Variants in MACROD1 observed in about 807,000 individuals in gnomAD.
MACROD1 encodes the protein ADP-ribose glycohydrolase MACROD1.
In MACROD1, 31 loss-of-function variants were observed where a neutral mutation model predicts 41.4. The ratio of observed to expected loss-of-function variants is 0.75; its 90% confidence interval spans 0.56 to 1.01. The LOEUF (loss-of-function observed/expected upper bound fraction) is 1.01. Ranked by LOEUF, MACROD1 falls within the 50% of genes least tolerant of loss-of-function variation. The probability of loss-of-function intolerance (pLI) is 0.00; values close to 1 mark genes in which losing one functional copy is unlikely to be tolerated. For missense variants in MACROD1, 473 were observed against 460.0 expected, an observed-to-expected ratio of 1.03 and a Z score of -0.26; for synonymous variants, 252 against 203.4, an observed-to-expected ratio of 1.24 and a Z score of -2.03.
chr11:64,004,694 A>G (rs1158074691), intron 4 of MACROD1, among the ~76,000 whole-genome samples: 1 of 151,928 alleles, frequency 6.6e-6, no homozygotes, highest in Non-Finnish European at 1.5e-5. Context: ...CCTGGCCACG[A>G]GATTGCTGGT....
At chr11:63,999,309 C>T in intron 8 of MACROD1, 22 bp downstream of exon 8, 1 of 1,552,668 alleles carries the variant, frequency 6.4e-7, no homozygotes, top group Non-Finnish European at 8.7e-7. Context: ...GGACCCCACC[C>T]TCGCCCGGGC....
chr11:64,116,361 C>T (rs1042224142), intron 3 of MACROD1: 6 of 1,613,076 alleles, frequency 3.7e-6, no homozygotes, highest in East Asian at 4.5e-5. Flanking sequence ...CATGGACCTG[C>T]GGGACTGGCT....
At chr11:64,068,393 G>A (rs1206999287) in intron 3 of MACROD1, among the ~76,000 whole-genome samples, 6 of 152,228 alleles carry the variant, frequency 3.9e-5, no homozygotes, top group Non-Finnish European at 1.5e-5. Flanking sequence ...CCTAGTAGCT[G>A]TAAAATGGAG....
Position 64,060,680 on chromosome 11 carries a change from T to C in MACROD1, c.518-45399A>G, listed in dbSNP as rs1279839965. On this transcript the variant is annotated intron_variant, in intron 3 of 10. Coordinates refer to ENST00000255681, the MANE Select transcript of MACROD1 (RefSeq NM_014067.4). ...AGGTCTGTCTGCGCTTCTCTTTAGTTCATTCGTTCATTCATTCATTCATTC... is the reference window on the plus strand; with the variant it reads ...AGGTCTGTCTGCGCTTCTCTTTAGTCCATTCGTTCATTCATTCATTCATTC... The C allele has an allele frequency of 3.1e-5, 4 of 127,620 alleles. No individual in the cohort carries two copies. The East Asian group carries it at 9.1e-4, about 29-fold the overall frequency. 7.9% of individuals were successfully genotyped at this position (127,620 alleles called of 1,614,324 possible).
rs1292449745 is a variant in MACROD1 at position 64,140,449 on chromosome 11, A to G, written c.517+10790T>C. On this transcript the variant is annotated intron_variant, in intron 3 of 10. Transcript: ENST00000255681. ...GGTGACTCGATTCCCTACCACGAAT[A>G]TGGGAAGGAGGTGCCTTCAGCCTGT... is the stretch of plus-strand genomic sequence containing the variant. 2.6e-5 allele frequency among the ~76,000 whole-genome samples: 4 copies of G among 152,208 alleles called. No homozygotes were observed. The South Asian group carries it at 8.3e-4, about 31-fold the overall frequency.
At chr11:64,015,754 G>A (rs760123809) in intron 3 of MACROD1, among the ~76,000 whole-genome samples, 3 of 152,150 alleles carry the variant, frequency 2.0e-5, no homozygotes, top group Admixed American at 6.5e-5. Context: ...CTTTGCAACC[G>A]GGCTAAGCGC....
chr11:64,110,154 A>C (rs1462284160), intron 3 of MACROD1, among the ~76,000 whole-genome samples: 1 of 152,158 alleles, frequency 6.6e-6, no homozygotes. Context: ...CTTGCTCAAA[A>C]TAACACAGCC....
intron 3 of MACROD1, among the ~76,000 whole-genome samples, chr11:64,063,985 C>T (rs971076982): frequency 2.6e-5 from 4 of 152,184 alleles, no homozygotes; most frequent in Non-Finnish European, 1.5e-5. Context: ...ATCCGAGTGA[C>T]GGCTCCTCTT....
intron 1 of MACROD1, among the ~76,000 whole-genome samples, chr11:64,159,678 C>G (rs1317583394): frequency 6.6e-6 from 1 of 152,038 alleles, no homozygotes; most frequent in Non-Finnish European, 1.5e-5. Flanking sequence ...CCTGTAATCC[C>G]AGCTACGCGG....
At chr11:64,004,124 G>A (rs952728246) in intron 4 of MACROD1, among the ~76,000 whole-genome samples, 1 of 152,220 alleles carries the variant, frequency 6.6e-6, no homozygotes, top group Admixed American at 6.5e-5. Context: ...GCATCTCCCT[G>A]CTTTGCTGTG....
intron 3 of MACROD1, among the ~76,000 whole-genome samples, chr11:64,093,517 C>T (rs1298714757): frequency 6.6e-6 from 1 of 152,266 alleles, no homozygotes; most frequent in Non-Finnish European, 1.5e-5. Context: ...GCCTGGCCCA[C>T]CTTTGGGCAT....
intron 3 of MACROD1, among the ~76,000 whole-genome samples, chr11:64,015,850 C>T (rs544021948): frequency 4.6e-5 from 7 of 152,256 alleles, no homozygotes; most frequent in East Asian, 1.9e-4. Context: ...CGTCCAACTG[C>T]GAGAGGGACA....
intron 4 of MACROD1, chr11:64,001,407 G>A (rs1202858201): frequency 5.7e-6 from 4 of 702,240 alleles, no homozygotes; most frequent in East Asian, 5.4e-5. Flanking sequence ...CAGCTGCCTG[G>A]TGCTCACAGG....
intron 1 of MACROD1, among the ~76,000 whole-genome samples, chr11:64,165,440 A>G (rs1456319116): frequency 6.6e-6 from 1 of 152,134 alleles, no homozygotes; most frequent in Non-Finnish European, 1.5e-5. Context: ...GGGGTAAGGA[A>G]GGCCGCCTTC....
intron 3 of MACROD1, among the ~76,000 whole-genome samples, chr11:64,130,580 C>T (rs980517924): frequency 2.0e-5 from 3 of 152,150 alleles, no homozygotes; most frequent in Admixed American, 6.5e-5. Context: ...AGGAGGGTCC[C>T]GGACGCATGG....
intron 1 of MACROD1, among the ~76,000 whole-genome samples, chr11:64,161,098 G>C (rs1048695964): frequency 1.3e-5 from 2 of 151,914 alleles, no homozygotes; most frequent in Non-Finnish European, 2.9e-5. Context: ...TTGAACCCAA[G>C]AAACGGAGGT....
Position 64,096,223 on chromosome 11 carries a change from G to A in MACROD1, c.517+55016C>T, listed in dbSNP as rs1402719706. ...GAGCACTGTGACGGGCAGGCAGGGGGTCGAACAGCCACTGTTCTGCCGACA... is the reference window on the plus strand; with the variant it reads ...GAGCACTGTGACGGGCAGGCAGGGGATCGAACAGCCACTGTTCTGCCGACA... On this transcript the variant is annotated intron_variant, in intron 3 of 10. Coordinates refer to ENST00000255681, the MANE Select transcript of MACROD1 (RefSeq NM_014067.4). The surrounding 1 kb of genome is among the most constrained non-coding windows in gnomAD (Gnocchi z 4.6). 6.6e-6 allele frequency among the ~76,000 whole-genome samples: 1 copy of A among 152,246 alleles called. No individual in the cohort carries two copies. Among genetic ancestry groups the A allele is most frequent in the Non-Finnish European group, 1.5e-5 (1 of 68,044 alleles).
chr11:64,125,697 G>C (rs930974794), intron 3 of MACROD1, among the ~76,000 whole-genome samples: 1 of 152,198 alleles, frequency 6.6e-6, no homozygotes, highest in East Asian at 1.9e-4. Flanking sequence ...CACTCTGAGA[G>C]ATCCGGTGGC....
rs1302909334 is a variant in MACROD1 at position 63,999,689 on chromosome 11, A to G, written c.739T>C (p.Tyr247His). 3 of 1,609,102 alleles carry G rather than the reference A, an allele frequency of 1.9e-6. No homozygotes were observed. The highest frequency in any genetic ancestry group is 2.5e-6 in the Non-Finnish European group (3 of 1,179,006). The change falls in exon 6 of 11, where the codon TAC (tyrosine) becomes CAC (histidine). Residue 247 changes from tyrosine (Y) to histidine (H), a missense_variant. Tyr to His is a moderately conservative substitution (Grantham distance 83). Transcript: ENST00000255681. Reference sequence around the variant, plus strand: ...AGCAGCAGGTCCAGACTGCTCAGGTAGCAGCTGCGGAGCTCGGCAGCCTGA... The same window carrying G: ...AGCAGCAGGTCCAGACTGCTCAGGTGGCAGCTGCGGAGCTCGGCAGCCTGA... ...ASQAAELRSC[Y>H]LSSLDLLLEH... is the part of the protein sequence containing the mutation.
Sources: allele counts gnomAD v4.1 joint callset (sites outside exome capture counted in the v4.1 genomes callset), GRCh38; gene constraint gnomAD v4.1.1; non-coding constraint Gnocchi (gnomAD v3.1); transcripts MANE v1.5; gene names NCBI Gene and HGNC (gene_info 2026-07-23, HGNC 2026-07-21).